The following TPTE variants were observed in gnomAD, a reference collection of about 807,000 sequenced individuals.
TPTE encodes putative tyrosine-protein phosphatase TPTE.
A neutral mutation model predicts 84.1 loss-of-function variants in TPTE; 59 were observed. That is an observed-to-expected ratio of 0.70 (90% CI 0.57 to 0.87). TPTE has a LOEUF of 0.87. Ranked by LOEUF, TPTE falls within the 40% of genes least tolerant of loss-of-function variation. TPTE has a pLI of 0.00. For synonymous variants in TPTE, 130 were observed against 223.5 expected, an observed-to-expected ratio of 0.58 and a Z score of 3.73; for missense variants, 382 against 659.6, an observed-to-expected ratio of 0.58 and a Z score of 4.61.
intron 14 of TPTE, among the ~76,000 whole-genome samples, chr21:10,572,471 AAG>A (rs2075065430): frequency 6.6e-6 from 1 of 151,976 alleles, no homozygotes; most frequent in African/African-American, 2.4e-5. Context: ...AAAAAAAAAA[AAG>A]GAAATGTTAA....
intron 23 of TPTE, among the ~76,000 whole-genome samples, chr21:10,604,127 T>C (rs1978968880): frequency 6.6e-6 from 1 of 152,308 alleles, no homozygotes; most frequent in Non-Finnish European, 1.5e-5. Flanking sequence ...CTAAGAAATA[T>C]CATTAAGTAA....
At chr21:10,576,865 A>G (rs1292281212) in intron 14 of TPTE, among the ~76,000 whole-genome samples, 3 of 147,834 alleles carry the variant, frequency 2.0e-5, no homozygotes, top group African/African-American at 7.4e-5. Context: ...ATATATATAT[A>G]TATATATATA....
intron 10 of TPTE, among the ~76,000 whole-genome samples, chr21:10,564,537 A>C (rs1332333894): frequency 6.6e-6 from 1 of 152,294 alleles, no homozygotes; most frequent in Non-Finnish European, 1.5e-5. Context: ...AAACAAACCC[A>C]AAAACCAAAA....
intron 3 of TPTE, among the ~76,000 whole-genome samples, chr21:10,536,755 AG>A (rs2074274115): frequency 6.6e-6 from 1 of 152,312 alleles, no homozygotes; most frequent in African/African-American, 2.4e-5. Context: ...TGGATAAAAA[AG>A]GAACAGGGCA....
intron 3 of TPTE, among the ~76,000 whole-genome samples, chr21:10,529,661 C>G: frequency 6.6e-6 from 1 of 152,310 alleles, no homozygotes; most frequent in East Asian, 1.9e-4. Context: ...AGTAACTCCT[C>G]TATTGAATAT....
intron 14 of TPTE, among the ~76,000 whole-genome samples, chr21:10,574,504 A>G (rs2145720738): frequency 6.6e-6 from 1 of 152,428 alleles, no homozygotes; most frequent in African/African-American, 2.4e-5. Context: ...GTGATGCAAG[A>G]TGGCCAATTA....
At chr21:10,578,989 TAAAA>T (rs1290471617) in intron 17 of TPTE, among the ~76,000 whole-genome samples, 3 of 151,878 alleles carry the variant, frequency 2.0e-5, no homozygotes, top group Admixed American at 6.5e-5. Context: ...AATTAACAAA[TAAAA>T]AACCAATATA....
chr21:10,564,716 G>A (rs1042815614), intron 10 of TPTE, among the ~76,000 whole-genome samples: 9 of 152,300 alleles, frequency 5.9e-5, no homozygotes, highest in East Asian at 3.8e-4. Context: ...CAATCAATGC[G>A]ATACATTATA....
intron 10 of TPTE, among the ~76,000 whole-genome samples, chr21:10,562,517 A>G (rs1360782004): frequency 2.0e-5 from 3 of 152,310 alleles, no homozygotes; most frequent in Non-Finnish European, 4.4e-5. Flanking sequence ...AATTCAAGAT[A>G]ACACAGAGAA....
chr21:10,588,616 C>A (rs1490819822), intron 17 of TPTE, among the ~76,000 whole-genome samples: 1 of 152,420 alleles, frequency 6.6e-6, no homozygotes, highest in Non-Finnish European at 1.5e-5. Context: ...AGGCTGTTTT[C>A]TTTTTCTCTT....
At chr21:10,542,260 G>A (rs2074382258) in intron 5 of TPTE, 135 bp from the exon 6 acceptor site, 2 of 1,103,664 alleles carry the variant, frequency 1.8e-6, no homozygotes, top group African/African-American at 3.2e-5. Context: ...AGACATTCCA[G>A]GTTCCAGTAG....
Position 10,603,562 on chromosome 21 carries a change from A to G in TPTE, c.1450A>G (p.Asn484Asp). 6.2e-7 allele frequency: 1 copy of G among 1,609,622 alleles called. No individual in the cohort carries two copies. The highest frequency in any genetic ancestry group is 8.5e-7 in the Non-Finnish European group (1 of 1,177,978). ...DDVKVQFFYS[N>D]LPTYYDNCSF... ...CTTTGAAATTTTTTTTTCTTTTTAG[A>G]ATCTTCCTACATACTATGACAATTG... The change falls in exon 23 of 24, where the codon AAT (asparagine) becomes GAT (aspartate). Residue 484 changes from asparagine (N) to aspartate (D), a missense_variant and splice_region_variant. Physicochemically the swap from Asn to Asp is conservative, Grantham distance 23. This residue lies in a region of TPTE where 120 missense variants were observed against 79.1 expected (regional missense o/e 1.52). Coordinates refer to ENST00000618007, the MANE Select transcript of TPTE (RefSeq NM_199261.4).
chr21:10,596,181 C>G, intron 20 of TPTE, 94 bp downstream of exon 20: 9 of 1,498,648 alleles, frequency 6.0e-6, no homozygotes, highest in South Asian at 2.3e-5. Flanking sequence ...ACAGATGATC[C>G]TAACTCATAC....
At chr21:10,533,096 T>C (rs2074206990) in intron 3 of TPTE, among the ~76,000 whole-genome samples, 2 of 152,202 alleles carry the variant, frequency 1.3e-5, no homozygotes, top group African/African-American at 4.8e-5. Context: ...AGATGTTAGA[T>C]AGCTGTTTTT....
intron 8 of TPTE, among the ~76,000 whole-genome samples, chr21:10,556,886 G>A (rs573513083): frequency 6.6e-6 from 1 of 152,410 alleles, no homozygotes; most frequent in East Asian, 1.9e-4. Flanking sequence ...TTTTGATGGG[G>A]TTGTTTGATT....
intron 20 of TPTE, among the ~76,000 whole-genome samples, chr21:10,597,589 A>G (rs1316081928): frequency 6.6e-6 from 1 of 152,294 alleles, no homozygotes; most frequent in Non-Finnish European, 1.5e-5. Context: ...TAATTTTTGT[A>G]TTTTTAGTAG....
At chr21:10,567,947 T>G (rs1286955396) in intron 11 of TPTE, among the ~76,000 whole-genome samples, 158 bp downstream of exon 11, 1 of 152,310 alleles carries the variant, frequency 6.6e-6, no homozygotes, top group Non-Finnish European at 1.5e-5. Flanking sequence ...CCACATACTT[T>G]GAAACTAAAA....
chr21:10,575,215 C>T (rs1226582950), intron 14 of TPTE, among the ~76,000 whole-genome samples: 1 of 152,312 alleles, frequency 6.6e-6, no homozygotes, highest in African/African-American at 2.4e-5. Flanking sequence ...GGAAGAGTTC[C>T]CCACGACACA....
At chr21:10,565,255 A>G (rs1331196011) in intron 10 of TPTE, among the ~76,000 whole-genome samples, 7 of 152,304 alleles carry the variant, frequency 4.6e-5, no homozygotes, top group Admixed American at 4.6e-4. Flanking sequence ...TCCTATATAC[A>G]ATAGCCACAA....
Sources: allele counts gnomAD v4.1 joint callset (sites outside exome capture counted in the v4.1 genomes callset), GRCh38; gene constraint gnomAD v4.1.1; regional missense constraint gnomAD v4.1.1; transcripts MANE v1.5; gene names NCBI Gene and HGNC (gene_info 2026-07-23, HGNC 2026-07-21).